The following ZSWIM6 variants were observed in gnomAD, a reference collection of about 807,000 sequenced individuals.
The protein encoded by ZSWIM6 is zinc finger SWIM domain-containing protein 6.
In ZSWIM6, 9 loss-of-function variants were observed where a neutral mutation model predicts 113.2. The ratio of observed to expected loss-of-function variants is 0.08; its 90% CI spans 0.05 to 0.14. The LOEUF is 0.14. Among genes scored for constraint, ZSWIM6 ranks in the 10% least tolerant of loss-of-function variants. The probability of loss-of-function intolerance (pLI) is 1.00; values close to 1 mark genes in which losing one functional copy is unlikely to be tolerated. For missense variants in ZSWIM6, 1,162 were observed against 1,552.2 expected, an observed-to-expected ratio of 0.75 and a Z score of 4.22; for synonymous variants, 611 against 606.5, an observed-to-expected ratio of 1.01 and a Z score of -0.11.
intron 1 of ZSWIM6, among the ~76,000 whole-genome samples, chr5:61,357,662 G>T (rs1744943229): frequency 6.6e-6 from 1 of 151,764 alleles, no homozygotes. Context: ...AACACACCCA[G>T]AACTGGCTCA....
intron 1 of ZSWIM6, among the ~76,000 whole-genome samples, chr5:61,426,127 A>G (rs1746457986): frequency 6.6e-6 from 1 of 152,210 alleles, no homozygotes; most frequent in African/African-American, 2.4e-5. Flanking sequence ...ATCATGAGGC[A>G]GTTTAGGCCA....
At chr5:61,511,377 C>T (rs1226517785) in intron 4 of ZSWIM6, among the ~76,000 whole-genome samples, 10 of 152,026 alleles carry the variant, frequency 6.6e-5, no homozygotes. Context: ...TTTAAAGTTG[C>T]CAAGAATATT....
At chr5:61,497,867 C>T (rs1748363782) in intron 4 of ZSWIM6, among the ~76,000 whole-genome samples, 1 of 152,158 alleles carries the variant, frequency 6.6e-6, no homozygotes, top group Non-Finnish European at 1.5e-5. Context: ...TATTCTGTGA[C>T]ATGCAAATTT....
At chr5:61,456,366 G>C (rs1341685527) in intron 1 of ZSWIM6, among the ~76,000 whole-genome samples, 2 of 151,968 alleles carry the variant, frequency 1.3e-5, no homozygotes, top group African/African-American at 4.8e-5. Context: ...TACTTTCTTG[G>C]TTAACAAAAT....
At chr5:61,465,929 T>C (rs1355014110) in intron 1 of ZSWIM6, among the ~76,000 whole-genome samples, 1 of 152,194 alleles carries the variant, frequency 6.6e-6, no homozygotes, top group Non-Finnish European at 1.5e-5. Context: ...CTATAAGCTG[T>C]TTAAGCTTAG....
At chr5:61,474,532 TATTC>T (rs1747658310) in intron 2 of ZSWIM6, among the ~76,000 whole-genome samples, 1 of 152,218 alleles carries the variant, frequency 6.6e-6, no homozygotes, top group Non-Finnish European at 1.5e-5. Flanking sequence ...TATTCATAAA[TATTC>T]AAGAAAAATG....
At chr5:61,521,536 T>A in intron 5 of ZSWIM6, 94 bp downstream of exon 5, 1 of 1,083,318 alleles carries the variant, frequency 9.2e-7, no homozygotes, top group Non-Finnish European at 1.2e-6. Flanking sequence ...GGAAAATGAT[T>A]TTACCAACTT....
chr5:61,471,857 T>C (rs914783373), intron 1 of ZSWIM6, among the ~76,000 whole-genome samples: 1 of 152,218 alleles, frequency 6.6e-6, no homozygotes, highest in African/African-American at 2.4e-5. Context: ...AGAGGATTTC[T>C]GTGTGGGTCT....
In ZSWIM6 at chr5:61,332,346, G is replaced by GC. The variant is rs1744267385; in HGVS notation, c.74_75insC (p.Ser27GlnfsTer73). The GC allele has an allele frequency of 8.6e-6, 9 of 1,046,340 alleles. No individual in the cohort carries two copies. The highest frequency in any genetic ancestry group is 8.8e-5 in the South Asian group (2 of 22,834). 64.8% of individuals were successfully genotyped at this position (1,046,340 alleles called of 1,614,324 possible). On this transcript the variant is annotated frameshift_variant, in exon 1 of 14. Transcript: ENST00000252744. LOFTEE classifies it high-confidence loss of function. ...CGGCCGGGCGGCGGCGGCGGCGGCG[G>GC]GGGCAGCAGCGGCGGCGGCGGCGGC...
intron 1 of ZSWIM6, among the ~76,000 whole-genome samples, chr5:61,432,992 TA>T (rs1159168185): frequency 5.3e-5 from 8 of 152,226 alleles, no homozygotes; most frequent in Non-Finnish European, 1.0e-4. Context: ...GGTGGGTCGT[TA>T]AATTTTTTCT....
intron 11 of ZSWIM6, 94 bp downstream of exon 11, chr5:61,539,065 G>C: frequency 7.5e-7 from 1 of 1,335,038 alleles, no homozygotes; most frequent in Non-Finnish European, 9.9e-7. Context: ...CAGCAGTGGT[G>C]TTAATGTCAG....
At chr5:61,352,463 T>G (rs1744811406) in intron 1 of ZSWIM6, among the ~76,000 whole-genome samples, 1 of 152,242 alleles carries the variant, frequency 6.6e-6, no homozygotes, top group South Asian at 2.1e-4. Flanking sequence ...TGTTTTACTT[T>G]GGGAATATTT....
intron 1 of ZSWIM6, among the ~76,000 whole-genome samples, chr5:61,430,323 T>C (rs1746552980): frequency 6.6e-6 from 1 of 152,236 alleles, no homozygotes; most frequent in African/African-American, 2.4e-5. Flanking sequence ...TTTTGAATTG[T>C]TGATAGTAAT....
In ZSWIM6 at chr5:61,332,849, G is replaced by T; in HGVS notation, c.577G>T (p.Ala193Ser). 1 of 1,143,754 alleles carries T rather than the reference G, an allele frequency of 8.7e-7. No homozygotes were observed. The highest frequency in any genetic ancestry group is 1.1e-6 in the Non-Finnish European group (1 of 915,698). The allele number at this position is 1,143,754 out of a possible 1,614,324, so 70.9% of individuals were successfully genotyped here. Residue 193 changes from alanine to serine, a missense_variant, in exon 1 of 14, where the codon GCT becomes TCT. Physicochemically the swap from Ala to Ser is moderately conservative, Grantham distance 99. Coordinates refer to ENST00000252744, the MANE Select transcript of ZSWIM6 (RefSeq NM_020928.2). ...GGGGGCCGGGGCCCCGTCGGTGGGGGCTGCCGGGGCGGCGGACGGCGGCGA... is the reference window on the plus strand; with the variant it reads ...GGGGGCCGGGGCCCCGTCGGTGGGGTCTGCCGGGGCGGCGGACGGCGGCGA... ...AAGAGAPSVG[A>S]AGAADGGDET...
At chr5:61,343,105 A>G (rs1362985376) in intron 1 of ZSWIM6, among the ~76,000 whole-genome samples, 1 of 152,194 alleles carries the variant, frequency 6.6e-6, no homozygotes, top group Non-Finnish European at 1.5e-5. Flanking sequence ...AAATGTTACA[A>G]TTATATTATT....
Position 61,541,865 on chromosome 5 carries a change from T to C in ZSWIM6, c.2704-19T>C. 1.3e-6 allele frequency: 2 copies of C among 1,546,652 alleles called. No homozygotes were observed. The highest frequency in any genetic ancestry group is 1.7e-6 in the Non-Finnish European group (2 of 1,142,880). ...CTCAGGATAATTTTCTAAAACATTT[T>C]GTTACCCTGTTTTTATAGGTTATGC... On this transcript the variant is annotated intron_variant, in intron 12 of 13. Transcript: ENST00000252744.
At chr5:61,516,928 A>T (rs1748961678) in intron 4 of ZSWIM6, among the ~76,000 whole-genome samples, 1 of 152,096 alleles carries the variant, frequency 6.6e-6, no homozygotes, top group South Asian at 2.1e-4. Flanking sequence ...CTGGATATAG[A>T]ATTCTCATTG....
intron 1 of ZSWIM6, among the ~76,000 whole-genome samples, chr5:61,466,448 TGG>T (rs1747438142): frequency 6.6e-6 from 1 of 152,182 alleles, no homozygotes; most frequent in African/African-American, 2.4e-5. Flanking sequence ...TTAATTTCCC[TGG>T]GGGTTCTTTT....
At chr5:61,516,577 T>A (rs962967672) in intron 4 of ZSWIM6, among the ~76,000 whole-genome samples, 1 of 149,188 alleles carries the variant, frequency 6.7e-6, no homozygotes, top group Non-Finnish European at 1.5e-5. Context: ...TTATATATAT[T>A]TTTCCTTTAC....
Sources: allele counts gnomAD v4.1 joint callset (sites outside exome capture counted in the v4.1 genomes callset), GRCh38; gene constraint gnomAD v4.1.1; transcripts MANE v1.5; gene names NCBI Gene and HGNC (gene_info 2026-07-23, HGNC 2026-07-21).